The following ANKS1B variants were observed in gnomAD, a reference collection of about 807,000 sequenced individuals.
ANKS1B encodes the protein ankyrin repeat and sterile alpha motif domain-containing protein 1B.
Under a neutral mutation model 148.3 loss-of-function variants are expected in ANKS1B, and 36 were observed. That is an observed-to-expected ratio of 0.24 (90% CI 0.19 to 0.32). ANKS1B has a LOEUF of 0.32. ANKS1B is among the 10% of genes least tolerant of loss of function. ANKS1B has a pLI of 1.00. For synonymous variants in ANKS1B, 542 were observed against 560.8 expected (o/e 0.97, Z 0.47); for missense variants, 1,157 against 1,542.6 (o/e 0.75, Z 4.19).
intron 8 of ANKS1B, among the ~76,000 whole-genome samples, chr12:99,752,110 T>C (rs942472618): frequency 4.6e-5 from 7 of 152,042 alleles, no homozygotes; most frequent in African/African-American, 1.7e-4. Context: ...CATAATCAGA[T>C]GATTGTTATT....
At chr12:98,945,316 T>G (rs943440568) in intron 17 of ANKS1B, among the ~76,000 whole-genome samples, 2 of 151,866 alleles carry the variant, frequency 1.3e-5, no homozygotes, top group Non-Finnish European at 2.9e-5. Context: ...GGCAACATGG[T>G]GAAACCCCAT....
In ANKS1B at chr12:99,827,503, G is replaced by A. The variant is rs796200907; in HGVS notation, c.135-2114C>T. ...CAGGTACCAAAATTGCACTGTATACGGGATTTCAGCTACGTGAGTAGATTT... is the reference window on the plus strand; with the variant it reads ...CAGGTACCAAAATTGCACTGTATACAGGATTTCAGCTACGTGAGTAGATTT... On this transcript the variant is annotated intron_variant, in intron 1 of 26. Transcript: ENST00000683438. Among the ~76,000 whole-genome samples, 5 of 152,124 alleles carry A rather than the reference G, an allele frequency of 3.3e-5. No individual in the cohort carries two copies. The East Asian group carries it at 5.8e-4, about 18-fold the overall frequency.
chr12:99,743,109 C>G (rs1048963263), intron 8 of ANKS1B, among the ~76,000 whole-genome samples: 2 of 152,172 alleles, frequency 1.3e-5, no homozygotes, highest in African/African-American at 4.8e-5. Flanking sequence ...TAATTATTCA[C>G]ATAGTATCTG....
Position 99,757,334 on chromosome 12 carries a change from T to C in ANKS1B, c.1128+15588A>G, listed in dbSNP as rs1032006637. Among the ~76,000 whole-genome samples, 7 of 151,872 alleles carry C rather than the reference T, an allele frequency of 4.6e-5. 1 individual carries two copies. The highest frequency in any genetic ancestry group is 3.3e-4 in the Admixed American group (5 of 15,232). On this transcript the variant is annotated intron_variant, in intron 8 of 26. Transcript: ENST00000683438. ...AAGACATACATGCAGCCAACAAGCA[T>C]ATGAAAAAAATGTGCAACATCACTG... is the stretch of plus-strand genomic sequence containing the variant.
chr12:98,909,815 C>A (rs1178128710), intron 17 of ANKS1B, among the ~76,000 whole-genome samples: 1 of 152,204 alleles, frequency 6.6e-6, no homozygotes, highest in Non-Finnish European at 1.5e-5. Flanking sequence ...TGTCTAAAAG[C>A]GTGGTTCTTC....
intron 1 of ANKS1B, among the ~76,000 whole-genome samples, chr12:99,928,519 C>G (rs1455363089): frequency 6.6e-6 from 1 of 151,732 alleles, no homozygotes; most frequent in Non-Finnish European, 1.5e-5. Context: ...ACCTCATGAT[C>G]CACCCGCCTC....
At chr12:99,066,479 T>C (rs1216946770) in intron 16 of ANKS1B, among the ~76,000 whole-genome samples, 2 of 152,106 alleles carry the variant, frequency 1.3e-5, no homozygotes, top group Admixed American at 1.3e-4. Context: ...GCAGTGTGTG[T>C]GCACAGAGAA....
intron 11 of ANKS1B, among the ~76,000 whole-genome samples, chr12:99,436,589 A>G (rs2095464689): frequency 6.6e-6 from 1 of 151,976 alleles, no homozygotes; most frequent in East Asian, 1.9e-4. Flanking sequence ...CTATAACCCC[A>G]CAGTGCCCAG....
chr12:98,843,341 G>A (rs1259060222), intron 17 of ANKS1B, among the ~76,000 whole-genome samples: 2 of 152,166 alleles, frequency 1.3e-5, no homozygotes. Flanking sequence ...TGCAAGAGTG[G>A]GTTGTTAAGA....
chr12:99,258,570 G>A (rs1469439657), intron 12 of ANKS1B, among the ~76,000 whole-genome samples: 3 of 149,448 alleles, frequency 2.0e-5, no homozygotes, highest in South Asian at 4.2e-4. Flanking sequence ...TTAAAGGAGT[G>A]CTGGGTTTTA....
intron 17 of ANKS1B, among the ~76,000 whole-genome samples, chr12:98,977,048 A>C (rs886804176): frequency 6.6e-6 from 1 of 152,252 alleles, no homozygotes; most frequent in African/African-American, 2.4e-5. Flanking sequence ...ATGCATCAGC[A>C]TGTATGAGCA....
At chr12:99,648,581 A>G (rs769374232) in intron 9 of ANKS1B, 1 of 1,614,114 alleles carries the variant, frequency 6.2e-7, no homozygotes, top group African/African-American at 1.3e-5. Flanking sequence ...AGCGTAAAAA[A>G]ACAGCTCCAC....
intron 17 of ANKS1B, among the ~76,000 whole-genome samples, chr12:98,969,881 C>A (rs2099881730): frequency 6.6e-6 from 1 of 152,202 alleles, no homozygotes; most frequent in African/African-American, 2.4e-5. Context: ...ACATAGCCAG[C>A]TTTTCTGGAT....
At chr12:99,622,333 C>G (rs114425304) in intron 9 of ANKS1B, among the ~76,000 whole-genome samples, 118 of 151,786 alleles carry the variant, frequency 7.8e-4, no homozygotes, top group African/African-American at 2.7e-3. Flanking sequence ...CCAAGAGGAA[C>G]TACAAAACAA....
intron 17 of ANKS1B, among the ~76,000 whole-genome samples, chr12:98,843,018 C>A (rs976459307): frequency 6.6e-6 from 1 of 152,148 alleles, no homozygotes; most frequent in East Asian, 1.9e-4. Flanking sequence ...TCACTAGGAG[C>A]CAACATGGGT....
intron 1 of ANKS1B, among the ~76,000 whole-genome samples, chr12:99,971,396 C>T (rs1270790775): frequency 6.6e-6 from 1 of 152,202 alleles, no homozygotes; most frequent in African/African-American, 2.4e-5. Context: ...CCCCCAAACA[C>T]ACTCCCACTC....
At chr12:99,675,835 A>G (rs545669397) in intron 8 of ANKS1B, among the ~76,000 whole-genome samples, 23 of 152,290 alleles carry the variant, frequency 1.5e-4, no homozygotes, top group Admixed American at 9.2e-4. Context: ...TATTATTACT[A>G]TAAGTAAAAT....
intron 8 of ANKS1B, among the ~76,000 whole-genome samples, chr12:99,685,635 T>C (rs1350406984): frequency 6.6e-6 from 1 of 152,154 alleles, no homozygotes; most frequent in Non-Finnish European, 1.5e-5. Flanking sequence ...CACATGCATG[T>C]TTATAGCAGC....
chr12:99,674,126 A>C (rs2098550917), intron 8 of ANKS1B, among the ~76,000 whole-genome samples: 1 of 151,902 alleles, frequency 6.6e-6, no homozygotes, highest in South Asian at 2.1e-4. Context: ...TCAAGAGACA[A>C]AGGAAAATTA....
Sources: gnomAD v4.1 joint callset for allele counts (sites outside exome capture counted in the v4.1 genomes callset) on GRCh38, gnomAD v4.1.1 for gene constraint, MANE v1.5 for transcripts, NCBI Gene and HGNC (gene_info 2026-07-23, HGNC 2026-07-21) for gene names.